RALGAPA2: variants seen among roughly 807,000 people sequenced by gnomAD.
The protein encoded by RALGAPA2 is Ral GTPase activating protein catalytic subunit alpha 2.
Under a neutral mutation model 230.4 loss-of-function variants are expected in RALGAPA2, and 139 were observed. That is an observed-to-expected ratio of 0.60 (90% confidence interval 0.53 to 0.69). The LOEUF is 0.69. Ranked by LOEUF, RALGAPA2 falls within the 30% of genes least tolerant of loss-of-function variation. The probability of loss-of-function intolerance (pLI) is 0.00; values close to 1 mark genes in which losing one functional copy is unlikely to be tolerated. For missense variants in RALGAPA2, 2,163 were observed against 2,276.0 expected (o/e 0.95, Z 1.01); for synonymous variants, 847 against 837.8 (o/e 1.01, Z -0.19).
At chr20:20,475,839 A>G (rs149173328) in intron 36 of RALGAPA2, among the ~76,000 whole-genome samples, 74 of 152,280 alleles carry the variant, frequency 4.9e-4, no homozygotes, top group Middle Eastern at 3.4e-3. Flanking sequence ...AGATATCATG[A>G]TTATGTATAT....
At chr20:20,535,946 G>GGAA in intron 25 of RALGAPA2, 143 bp from the exon 26 acceptor site, 3 of 1,333,024 alleles carry the variant, frequency 2.3e-6, no homozygotes, top group Non-Finnish European at 1.9e-6. Flanking sequence ...GAGCCTGGGG[G>GGAA]GAAGAAGAAC....
At chr20:20,514,023 G>A (rs2062799821) in intron 31 of RALGAPA2, among the ~76,000 whole-genome samples, 1 of 152,190 alleles carries the variant, frequency 6.6e-6, no homozygotes, top group South Asian at 2.1e-4. Flanking sequence ...GTGCAGCAGG[G>A]CCCTCTCTGT....
chr20:20,667,507 G>A lies in RALGAPA2; in HGVS notation c.270+8729C>T, dbSNP rs138902976. On this transcript the variant is annotated intron_variant, in intron 3 of 39. Coordinates refer to ENST00000202677, the MANE Select transcript of RALGAPA2 (RefSeq NM_020343.4). The stretch of plus-strand genomic sequence containing the variant: ...AGTACATATAGGCGTGTAATAAATC[G>A]CAAGCAATCAAATTTCAATACCAAA... Among the ~76,000 whole-genome samples the A allele has an allele frequency of 7.2e-3, 1,098 of 152,286 alleles. 11 individuals carry two copies. The highest frequency in any genetic ancestry group is 0.025 in the African/African-American group (1,052 of 41,564).
At chr20:20,479,902 A>G (rs567238248) in intron 36 of RALGAPA2, among the ~76,000 whole-genome samples, 8 of 152,242 alleles carry the variant, frequency 5.3e-5, no homozygotes, top group African/African-American at 1.9e-4. Context: ...CAGAATTAGT[A>G]AGAGTGTTTA....
At chr20:20,684,774 C>T (rs1488352225) in intron 1 of RALGAPA2, among the ~76,000 whole-genome samples, 1 of 152,148 alleles carries the variant, frequency 6.6e-6, no homozygotes, top group African/African-American at 2.4e-5. Flanking sequence ...AGAATGTAAG[C>T]GGCATGAAGG....
At chr20:20,633,170 T>TTTC (rs1411748019) in intron 9 of RALGAPA2, among the ~76,000 whole-genome samples, 1 of 151,996 alleles carries the variant, frequency 6.6e-6, no homozygotes, top group Non-Finnish European at 1.5e-5. Context: ...AGTCTCACTC[T>TTTC]GTTGCCCAGA....
At chr20:20,653,700 A>C in intron 3 of RALGAPA2, 113 bp from the exon 4 acceptor site, 2 of 606,170 alleles carry the variant, frequency 3.3e-6, no homozygotes, top group Non-Finnish European at 5.9e-6. Context: ...GAAACTATGT[A>C]CAATAACATA....
At chr20:20,424,116 G>A (rs1056286756) in intron 37 of RALGAPA2, among the ~76,000 whole-genome samples, 1 of 152,134 alleles carries the variant, frequency 6.6e-6, no homozygotes. Flanking sequence ...CACATGCAAC[G>A]GATTTGGACT....
chr20:20,396,316 G>A (rs1602244959), intron 39 of RALGAPA2, among the ~76,000 whole-genome samples: 1 of 152,274 alleles, frequency 6.6e-6, no homozygotes, highest in Non-Finnish European at 1.5e-5. Flanking sequence ...GGCCCAGCAC[G>A]TGCCGTGTCT....
chr20:20,433,722 G>A (rs1201363807), intron 37 of RALGAPA2, among the ~76,000 whole-genome samples: 1 of 151,970 alleles, frequency 6.6e-6, no homozygotes, highest in African/African-American at 2.4e-5. Flanking sequence ...ACAGAGACAA[G>A]GTCAGCTGAT....
At chr20:20,492,121 G>A (rs972548634) in intron 36 of RALGAPA2, among the ~76,000 whole-genome samples, 3 of 152,106 alleles carry the variant, frequency 2.0e-5, no homozygotes, top group Non-Finnish European at 2.9e-5. Flanking sequence ...TATTACATAC[G>A]CTATTAATGA....
intron 18 of RALGAPA2, among the ~76,000 whole-genome samples, chr20:20,587,510 A>G (rs1318177196): frequency 6.6e-6 from 1 of 152,162 alleles, no homozygotes; most frequent in Admixed American, 6.5e-5. Flanking sequence ...CTCCATAAAC[A>G]GGAATCAATT....
chr20:20,427,358 C>A (rs866496288), intron 37 of RALGAPA2, among the ~76,000 whole-genome samples: 2 of 152,086 alleles, frequency 1.3e-5, no homozygotes, highest in Admixed American at 1.3e-4. Flanking sequence ...AGAGCAGAGG[C>A]GGGAGTGACA....
chr20:20,593,842 T>G (rs563130718), intron 16 of RALGAPA2, among the ~76,000 whole-genome samples: 1 of 152,286 alleles, frequency 6.6e-6, no homozygotes, highest in East Asian at 1.9e-4. Flanking sequence ...GCTTCCAAAT[T>G]AGAGCGTCCC....
intron 10 of RALGAPA2, among the ~76,000 whole-genome samples, chr20:20,624,928 T>A (rs1172489132): frequency 1.3e-4 from 20 of 152,214 alleles, no homozygotes; most frequent in Non-Finnish European, 1.5e-5. Flanking sequence ...AGTTACTCCG[T>A]CAGTCCCCAT....
intron 35 of RALGAPA2, among the ~76,000 whole-genome samples, 155 bp from the exon 36 acceptor site, chr20:20,495,430 A>G (rs1397845128): frequency 6.6e-6 from 1 of 152,268 alleles, no homozygotes; most frequent in Non-Finnish European, 1.5e-5. Flanking sequence ...GGATTTTAAA[A>G]AGCACAAGTG....
chr20:20,500,990 C>G (rs953613547), intron 35 of RALGAPA2, among the ~76,000 whole-genome samples: 1 of 152,222 alleles, frequency 6.6e-6, no homozygotes, highest in African/African-American at 2.4e-5. Context: ...CAGGTCTCAA[C>G]AGTTGGCTTT....
At chr20:20,467,537 C>A (rs6046883) in intron 37 of RALGAPA2, among the ~76,000 whole-genome samples, 11,553 of 152,268 alleles carry the variant, frequency 0.076, 714 homozygotes, top group East Asian at 0.17. Context: ...CGTGGCCCTG[C>A]AGTCTGGAGC....
At chr20:20,422,044 T>C (rs1459099951) in intron 37 of RALGAPA2, among the ~76,000 whole-genome samples, 2 of 152,174 alleles carry the variant, frequency 1.3e-5, no homozygotes, top group Non-Finnish European at 2.9e-5. Context: ...AGCCCATATA[T>C]CGTGGGACTT....
Sources: gnomAD v4.1 joint callset for allele counts (sites outside exome capture counted in the v4.1 genomes callset) on GRCh38, gnomAD v4.1.1 for gene constraint, MANE v1.5 for transcripts, NCBI Gene and HGNC (gene_info 2026-07-23, HGNC 2026-07-21) for gene names.